Variants in SREBF2 observed in about 807,000 individuals in gnomAD.
SREBF2 encodes the protein sterol regulatory element-binding protein 2.
SREBF2 carries 55 observed loss-of-function variants against 113.1 expected under a neutral mutation model. The ratio of observed to expected loss-of-function variants is 0.49; its 90% confidence interval spans 0.39 to 0.61. The LOEUF is 0.61. Among genes scored for constraint, SREBF2 ranks in the 20% least tolerant of loss-of-function variants. The pLI is 0.00. For missense variants in SREBF2, 1,349 were observed against 1,487.4 expected, an observed-to-expected ratio of 0.91 and a Z score of 1.53; for synonymous variants, 593 against 605.7, an observed-to-expected ratio of 0.98 and a Z score of 0.31.
rs2077503549 is a variant in SREBF2 at position 41,905,778 on chromosome 22, C to A, written c.*118C>A. On this transcript the variant is annotated 3_prime_UTR_variant, in exon 19 of 19. Transcript: ENST00000361204. ...TCTTCTTAGCTGTCACCTGCCGAGGCTTCTGGGCCACTCAGGCCAGTGCAC... is the reference window on the plus strand; with the variant it reads ...TCTTCTTAGCTGTCACCTGCCGAGGATTCTGGGCCACTCAGGCCAGTGCAC... The A allele has an allele frequency of 4.2e-6, 5 of 1,186,426 alleles. No homozygotes were observed. Among genetic ancestry groups the A allele is most frequent in the Admixed American group, 2.0e-5 (1 of 50,428 alleles). The allele number at this position is 1,186,426 out of a possible 1,614,324, so 73.5% of individuals were successfully genotyped here.
chr22:41,891,382 G>A (rs192554102), intron 11 of SREBF2: 1 of 152,250 alleles, frequency 6.6e-6, no homozygotes, highest in East Asian at 1.9e-4. Context: ...GGTGCCCCTG[G>A]TCCCAGTGAT....
rs986689911 is a variant in SREBF2 at position 41,904,666 on chromosome 22, C to G, written c.3094-197C>G. 3.7e-5 allele frequency: 26 copies of G among 711,516 alleles called. No individual in the cohort carries two copies. The African/African-American group carries it at 4.4e-4, about 12-fold the overall frequency. The allele number at this position is 711,516 out of a possible 1,614,324, so 44.1% of individuals were successfully genotyped here. ...TCTCTCTCCTCTCATCCTGCTCCTG[C>G]TGTTCAGCCAGGTTTCCTGCCTGGC... On this transcript the variant is annotated intron_variant, in intron 17 of 18. Transcript: ENST00000361204.
Position 41,867,287 on chromosome 22 carries a change from C to G in SREBF2, c.538+7C>G. 6.2e-7 allele frequency: 1 copy of G among 1,614,026 alleles called. No individual in the cohort carries two copies. The highest frequency in any genetic ancestry group is 8.5e-7 in the Non-Finnish European group (1 of 1,179,996). On this transcript the variant is annotated splice_region_variant and intron_variant, in intron 2 of 18. Coordinates refer to ENST00000361204, the MANE Select transcript of SREBF2 (RefSeq NM_004599.4). ...GCAGCTACTAGCTTTCAAGGTGATT[C>G]AGAAGTTAGAATGGTAGTGGTTGGT...
chr22:41,888,656 A>G (rs142268854), intron 11 of SREBF2, among the ~76,000 whole-genome samples: 42 of 152,204 alleles, frequency 2.8e-4, no homozygotes, highest in Non-Finnish European at 5.1e-4. Context: ...TGTTTCCAGT[A>G]TTTGCCGTTA....
At chr22:41,900,587 T>G in intron 16 of SREBF2, 89 bp downstream of exon 16, 1 of 1,389,392 alleles carries the variant, frequency 7.2e-7, no homozygotes, top group Non-Finnish European at 1.0e-6. Context: ...ACCCTGCGGG[T>G]GGGGCCATCC....
intron 3 of SREBF2, among the ~76,000 whole-genome samples, chr22:41,869,603 C>A (rs2077120604): frequency 6.6e-6 from 1 of 151,668 alleles, no homozygotes; most frequent in Non-Finnish European, 1.5e-5. Context: ...CCTGCCTCAG[C>A]CTCCCAAGTA....
intron 10 of SREBF2, among the ~76,000 whole-genome samples, chr22:41,881,742 T>C (rs1211949892): frequency 6.6e-6 from 1 of 151,984 alleles, no homozygotes; most frequent in Non-Finnish European, 1.5e-5. Flanking sequence ...ATTAGGAAAA[T>C]AGTGATATGA....
rs768033090 is a variant in SREBF2 at position 41,900,335 on chromosome 22, C to G, written c.2744C>G (p.Pro915Arg). ...IPKALEVTESPLVKAIFHACR... is the reference protein window; with the variant it reads ...IPKALEVTESRLVKAIFHACR... The stretch of plus-strand genomic sequence containing the variant: ...ACTCCCTGTCACTGCTGCAGGAGCC[C>G]CCTGGTGAAGGCCATCTTCCATGCC... Residue 915 changes from proline to arginine, a missense_variant, in exon 16 of 19, where the codon CCC (proline) becomes CGC (arginine). This residue lies in a region of SREBF2 where 650 missense variants were observed against 644.1 expected (regional missense o/e 1.01). Transcript: ENST00000361204. The G allele has an allele frequency of 1.2e-6, 2 of 1,612,994 alleles. No individual in the cohort carries two copies. The highest frequency in any genetic ancestry group is 1.7e-5 in the Admixed American group (1 of 60,006).
intron 8 of SREBF2, 112 bp downstream of exon 8, chr22:41,877,533 G>A: frequency 7.8e-7 from 1 of 1,274,290 alleles, no homozygotes; most frequent in Non-Finnish European, 1.1e-6. Flanking sequence ...GGCTTTTATA[G>A]TGGGCCCCCA....
In SREBF2 at chr22:41,833,492, C is replaced by T. The variant is rs1035436466; in HGVS notation, c.88+134C>T. 4.3e-6 allele frequency: 3 copies of T among 700,734 alleles called. No individual in the cohort carries two copies. The highest frequency in any genetic ancestry group is 3.2e-5 in the Admixed American group (1 of 31,552). The allele number at this position is 700,734 out of a possible 1,614,324, so 43.4% of individuals were successfully genotyped here. ...GAAGAACCCCGTGCGCACGGTGCCC[C>T]CGGCGGTCCTCAACCCTTCCGGCGC... On this transcript the variant is annotated intron_variant, in intron 1 of 18. Coordinates refer to ENST00000361204, the MANE Select transcript of SREBF2 (RefSeq NM_004599.4). The surrounding 1 kb of genome is among the most constrained non-coding windows in gnomAD (Gnocchi z 4.1).
At chr22:41,899,285 A>T (rs2077443702) in intron 15 of SREBF2, 1 of 1,058,968 alleles carries the variant, frequency 9.4e-7, no homozygotes, top group Admixed American at 4.8e-5. Flanking sequence ...CTGTAACTAA[A>T]ATAGCCTTTA....
intron 1 of SREBF2, among the ~76,000 whole-genome samples, chr22:41,839,241 A>G (rs2148338149): frequency 6.6e-6 from 1 of 152,296 alleles, no homozygotes; most frequent in Non-Finnish European, 1.5e-5. Flanking sequence ...ATGAAAATTT[A>G]TCTTAATTGT....
intron 3 of SREBF2, among the ~76,000 whole-genome samples, chr22:41,870,299 C>G (rs767947327): frequency 1.3e-5 from 2 of 152,188 alleles, no homozygotes; most frequent in Non-Finnish European, 2.9e-5. Flanking sequence ...GGGCCACTGG[C>G]ACCACCCTCT....
chr22:41,863,907 A>C (rs2077046805), intron 1 of SREBF2, among the ~76,000 whole-genome samples: 1 of 151,642 alleles, frequency 6.6e-6, no homozygotes. Context: ...TTTGGGACGG[A>C]GTCTTGCTCT....
chr22:41,894,749 TTCTC>T, intron 12 of SREBF2, 67 bp from the exon 13 acceptor site: 7 of 1,343,428 alleles, frequency 5.2e-6, no homozygotes, highest in Non-Finnish European at 7.5e-6. Flanking sequence ...TGTTTGGAGT[TTCTC>T]TCCGTAAAGA....
At chr22:41,890,692 G>T (rs1260033876) in intron 11 of SREBF2, among the ~76,000 whole-genome samples, 17 of 151,196 alleles carry the variant, frequency 1.1e-4, no homozygotes, top group African/African-American at 3.2e-4. Flanking sequence ...TTTTGGCTTG[G>T]GATTACAAGC....
chr22:41,899,554 G>C, intron 15 of SREBF2: 1 of 992,636 alleles, frequency 1.0e-6, no homozygotes. Flanking sequence ...GCTGAGAAGA[G>C]TGAGTATACA....
chr22:41,838,697 T>A (rs2076801064), intron 1 of SREBF2, among the ~76,000 whole-genome samples: 1 of 152,116 alleles, frequency 6.6e-6, no homozygotes, highest in Admixed American at 6.6e-5. Context: ...TGTGCCACTG[T>A]ACTCCAGCCT....
chr22:41,890,475 C>T (rs950326764), intron 11 of SREBF2, among the ~76,000 whole-genome samples: 39 of 152,232 alleles, frequency 2.6e-4, no homozygotes, highest in Middle Eastern at 3.4e-3. Flanking sequence ...GGGGTTAGAC[C>T]GATGTTAGGG....
Sources: gnomAD v4.1 joint callset for allele counts (sites outside exome capture counted in the v4.1 genomes callset) on GRCh38, gnomAD v4.1.1 for gene constraint, gnomAD v4.1.1 regional missense constraint, Gnocchi (gnomAD v3.1) non-coding constraint, MANE v1.5 for transcripts, NCBI Gene and HGNC (gene_info 2026-07-23, HGNC 2026-07-21) for gene names.